KCNQ1: variants seen among roughly 807,000 people sequenced by gnomAD.
The protein encoded by KCNQ1 is potassium voltage-gated channel subfamily Q member 1.
Under a neutral mutation model 72.4 loss-of-function variants are expected in KCNQ1, and 49 were observed. The ratio of observed to expected loss-of-function variants is 0.68; its 90% CI spans 0.54 to 0.86. The LOEUF is 0.86. Ranked by LOEUF, KCNQ1 falls within the 40% of genes least tolerant of loss-of-function variation. KCNQ1 has a pLI of 0.00. For missense variants in KCNQ1, 790 were observed against 945.1 expected, an observed-to-expected ratio of 0.84 and a Z score of 2.15; for synonymous variants, 450 against 412.6, an observed-to-expected ratio of 1.09 and a Z score of -1.10.
chr11:2,495,952 CT>C lies in KCNQ1; in HGVS notation c.387-31975del, dbSNP rs1390898266. Among the ~76,000 whole-genome samples, 7 of 152,136 alleles carry C rather than the reference CT, an allele frequency of 4.6e-5. No individual in the cohort carries two copies. The highest frequency in any genetic ancestry group is 1.5e-5 in the Non-Finnish European group (1 of 68,030). On this transcript the variant is annotated intron_variant, in intron 1 of 15. Transcript: ENST00000155840. This position sits in a 1 kb window ranked among gnomAD's most constrained non-coding sequence, Gnocchi z 4.6. ...GACAGTGGAGTGTTAAAGTCTCGCA[CT>C]GTTATTGAGTAGGAATATAAGTCTC...
chr11:2,507,455 A>G lies in KCNQ1; in HGVS notation c.387-20473A>G, dbSNP rs900731992. ...GAAGGAAGGGTGAGAAGTCAGGACC[A>G]CTGCTGTAGAAAACAGGGTTTGCAG... is the stretch of plus-strand genomic sequence containing the variant. On this transcript the variant is annotated intron_variant, in intron 1 of 15. Transcript: ENST00000155840. The surrounding 1 kb of genome is among the most constrained non-coding windows in gnomAD (Gnocchi z 5.4). Among the ~76,000 whole-genome samples, 4 of 152,146 alleles carry G rather than the reference A, an allele frequency of 2.6e-5. No homozygotes were observed. The highest frequency in any genetic ancestry group is 7.2e-5 in the African/African-American group (3 of 41,430).
chr11:2,662,303 T>A (rs1269052181), intron 11 of KCNQ1: 5 of 603,728 alleles, frequency 8.3e-6, no homozygotes, highest in Non-Finnish European at 1.5e-5. Flanking sequence ...TTGTTTTGAC[T>A]TATGGAAAAC....
At chr11:2,733,618 C>A (rs1209136276) in intron 11 of KCNQ1, among the ~76,000 whole-genome samples, 1 of 151,962 alleles carries the variant, frequency 6.6e-6, no homozygotes, top group Non-Finnish European at 1.5e-5. Context: ...ACGGTGGGCA[C>A]CTTGAGAGGA....
intron 7 of KCNQ1, among the ~76,000 whole-genome samples, chr11:2,584,420 AGT>A (rs760136626): frequency 0.012 from 1,706 of 142,146 alleles, 29 homozygotes; most frequent in African/African-American, 0.041. Context: ...TTTCTGTGTT[AGT>A]GTGTGTGTTA....
intron 15 of KCNQ1, among the ~76,000 whole-genome samples, chr11:2,825,739 A>G (rs1847824763): frequency 6.6e-6 from 1 of 152,218 alleles, no homozygotes; most frequent in African/African-American, 2.4e-5. Flanking sequence ...CAAAGCAGTC[A>G]GTCATTCACA....
chr11:2,451,935 G>A lies in KCNQ1; in HGVS notation c.386+6451G>A, dbSNP rs1235125760. Among the ~76,000 whole-genome samples the A allele has an allele frequency of 6.6e-6, 1 of 152,132 alleles. No individual in the cohort carries two copies. Among genetic ancestry groups the A allele is most frequent in the Non-Finnish European group, 1.5e-5 (1 of 68,022 alleles). On this transcript the variant is annotated intron_variant, in intron 1 of 15. Transcript: ENST00000155840. This position sits in a 1 kb window ranked among gnomAD's most constrained non-coding sequence, Gnocchi z 6.4. ...TCAAGTGAGGTGGTGCACTATTCCT[G>A]GCCTCAGGCCCAGTTTGTATCCATG...
intron 15 of KCNQ1, among the ~76,000 whole-genome samples, chr11:2,847,165 T>C (rs1355387691): frequency 2.2e-5 from 3 of 136,180 alleles, no homozygotes; most frequent in Non-Finnish European, 3.1e-5. Flanking sequence ...AAGCCCCTCC[T>C]GGAAGTGGCC....
chr11:2,772,215 C>T lies in KCNQ1; in HGVS notation c.1590+3296C>T, dbSNP rs1221034418. ...GATGCTTCCCTTCCTCGACGCCTGCCTGTCTGCTTGCTTGCACCCCACCCC... is the reference window on the plus strand; with the variant it reads ...GATGCTTCCCTTCCTCGACGCCTGCTTGTCTGCTTGCTTGCACCCCACCCC... On this transcript the variant is annotated intron_variant, in intron 12 of 15. Coordinates refer to ENST00000155840, the MANE Select transcript of KCNQ1 (RefSeq NM_000218.3). The surrounding 1 kb of genome is among the most constrained non-coding windows in gnomAD (Gnocchi z 6.6). 6.6e-6 allele frequency among the ~76,000 whole-genome samples: 1 copy of T among 151,946 alleles called. No individual in the cohort carries two copies. The highest frequency in any genetic ancestry group is 1.5e-5 in the Non-Finnish European group (1 of 67,964).
rs1379992434 is a variant in KCNQ1, at chr11:2,767,123, G to T, written c.1515-1721G>T. Among the ~76,000 whole-genome samples the T allele has an allele frequency of 1.3e-5, 2 of 152,214 alleles. No homozygotes were observed. Among genetic ancestry groups the T allele is most frequent in the African/African-American group, 4.8e-5 (2 of 41,456 alleles). ...GCGGAGGCTGCAGTGAGCCGAGGTT[G>T]TGCCACTGCACTCCAGCCTGGCAAT... On this transcript the variant is annotated intron_variant, in intron 11 of 15. Coordinates refer to ENST00000155840, the MANE Select transcript of KCNQ1 (RefSeq NM_000218.3). The surrounding 1 kb of genome is among the most constrained non-coding windows in gnomAD (Gnocchi z 4.6).
chr11:2,774,301 C>G (rs1314946444), intron 12 of KCNQ1, among the ~76,000 whole-genome samples: 1 of 152,232 alleles, frequency 6.6e-6, no homozygotes, highest in Non-Finnish European at 1.5e-5. Flanking sequence ...CTGCCTCTAT[C>G]ACAGTTCTTG....
chr11:2,678,967 C>A lies in KCNQ1; in HGVS notation c.1514+16886C>A, dbSNP rs956131065. ...GCTAACTCAATAGAGAACAAAAGAG[C>A]AAATAGGCCTAATTCAAGAATTTTT... On this transcript the variant is annotated intron_variant, in intron 11 of 15. Coordinates refer to ENST00000155840, the MANE Select transcript of KCNQ1 (RefSeq NM_000218.3). This position sits in a 1 kb window ranked among gnomAD's most constrained non-coding sequence, Gnocchi z 4.9. 3.3e-5 allele frequency: 13 copies of A among 398,410 alleles called. No individual in the cohort carries two copies. Among genetic ancestry groups the A allele is most frequent in the Non-Finnish European group, 4.4e-5 (10 of 226,062 alleles). 24.7% of individuals were successfully genotyped at this position (398,410 alleles called of 1,614,324 possible).
intron 11 of KCNQ1, chr11:2,693,325 C>A (rs1352832189): frequency 1.8e-5 from 7 of 398,678 alleles, no homozygotes; most frequent in African/African-American, 6.2e-5. Context: ...GGCCCTCTCT[C>A]CCTGCCCTGA....
intron 11 of KCNQ1, among the ~76,000 whole-genome samples, chr11:2,743,796 G>A (rs572324921): frequency 2.0e-5 from 3 of 152,218 alleles, no homozygotes; most frequent in Non-Finnish European, 2.9e-5. Context: ...CAATGACATC[G>A]GATGCCTGTT....
chr11:2,645,885 C>G lies in KCNQ1; in HGVS notation c.1394-16076C>G. 1 of 398,626 alleles carries G rather than the reference C, an allele frequency of 2.5e-6. No individual in the cohort carries two copies. Among genetic ancestry groups the G allele is most frequent in the Non-Finnish European group, 4.4e-6 (1 of 226,088 alleles). The allele number at this position is 398,626 out of a possible 1,614,324, so 24.7% of individuals were successfully genotyped here. On this transcript the variant is annotated intron_variant, in intron 10 of 15. Coordinates refer to ENST00000155840, the MANE Select transcript of KCNQ1 (RefSeq NM_000218.3). The surrounding 1 kb of genome is among the most constrained non-coding windows in gnomAD (Gnocchi z 5.8). ...CCTGAGGATTCAGGGTGATCTCCCT[C>G]TCTGGGAGCTGTTCATTGCCATTTC...
intron 1 of KCNQ1, among the ~76,000 whole-genome samples, chr11:2,469,012 C>A (rs951436786): frequency 1.3e-5 from 2 of 152,142 alleles, no homozygotes; most frequent in Admixed American, 6.5e-5. Flanking sequence ...AAGCAGCAAT[C>A]CCCTTTTGCA....
At position 2,471,113 on chromosome 11, in the gene KCNQ1, C is replaced by T. The variant is rs1589898159; in HGVS notation, c.386+25629C>T. Among the ~76,000 whole-genome samples the T allele has an allele frequency of 1.3e-5, 2 of 151,966 alleles. No homozygotes were observed. Among genetic ancestry groups the T allele is most frequent in the Admixed American group, 1.3e-4 (2 of 15,274 alleles). On this transcript the variant is annotated intron_variant, in intron 1 of 15. Transcript: ENST00000155840. The surrounding 1 kb of genome is among the most constrained non-coding windows in gnomAD (Gnocchi z 4.8). ...AGCAGAGTTCTACCCGCCCTCACCA[C>T]CCTGTATCAACTCATCTCATCGATA...
rs1029887368 is a variant in KCNQ1 at position 2,451,718 on chromosome 11, C to T, written c.386+6234C>T. On this transcript the variant is annotated intron_variant, in intron 1 of 15. Transcript: ENST00000155840. This position sits in a 1 kb window ranked among gnomAD's most constrained non-coding sequence, Gnocchi z 6.4. The stretch of plus-strand genomic sequence containing the variant: ...CTGGGGAGCTGACTCCAGGACAGGC[C>T]CCTGCCCGCTCTGGGACCTGGGGCC... Among the ~76,000 whole-genome samples the T allele has an allele frequency of 1.3e-5, 2 of 152,188 alleles. No individual in the cohort carries two copies.
chr11:2,781,578 G>A lies in KCNQ1; in HGVS notation c.1794+3541G>A, dbSNP rs894565705. On this transcript the variant is annotated intron_variant, in intron 15 of 15. Transcript: ENST00000155840. The surrounding 1 kb of genome is among the most constrained non-coding windows in gnomAD (Gnocchi z 6.6). ...CACACAGGGCTGGCAGTCTGTGTGG[G>A]GGCTGCATACCCCAGACATTCTGAG... 6.6e-6 allele frequency among the ~76,000 whole-genome samples: 1 copy of A among 152,198 alleles called. No homozygotes were observed. Among genetic ancestry groups the A allele is most frequent in the Admixed American group, 6.5e-5 (1 of 15,282 alleles).
In KCNQ1 at chr11:2,446,163, CCT is replaced by C. The variant is rs1035407140; in HGVS notation, c.386+680_386+681del. 6.6e-6 allele frequency among the ~76,000 whole-genome samples: 1 copy of C among 152,230 alleles called. No individual in the cohort carries two copies. Among genetic ancestry groups the C allele is most frequent in the African/African-American group, 2.4e-5 (1 of 41,456 alleles). The stretch of plus-strand genomic sequence containing the variant: ...GCTGGTAGCAGAGGCACCTGGCCCC[CCT>C]GTTACCAGGTGGTTCCAATTCCCGG... On this transcript the variant is annotated intron_variant, in intron 1 of 15. Coordinates refer to ENST00000155840, the MANE Select transcript of KCNQ1 (RefSeq NM_000218.3). This position sits in a 1 kb window ranked among gnomAD's most constrained non-coding sequence, Gnocchi z 8.8.
Sources: allele counts gnomAD v4.1 joint callset (sites outside exome capture counted in the v4.1 genomes callset), GRCh38; gene constraint gnomAD v4.1.1; non-coding constraint Gnocchi (gnomAD v3.1); transcripts MANE v1.5; gene names NCBI Gene and HGNC (gene_info 2026-07-23, HGNC 2026-07-21).